SPOCK1: variants seen among roughly 807,000 people sequenced by gnomAD.
SPOCK1 encodes the protein SPARC (osteonectin), cwcv and kazal like domains proteoglycan 1, also known as testican-1.
Under a neutral mutation model 55.3 loss-of-function variants are expected in SPOCK1, and 23 were observed. The ratio of observed to expected loss-of-function variants is 0.42; its 90% CI spans 0.30 to 0.59. SPOCK1 has a LOEUF of 0.59. SPOCK1 is among the 20% of genes least tolerant of loss of function. SPOCK1 has a pLI of 0.22. For missense variants in SPOCK1, 499 were observed against 552.5 expected, an observed-to-expected ratio of 0.90 and a Z score of 0.97; for synonymous variants, 226 against 221.0, an observed-to-expected ratio of 1.02 and a Z score of -0.20.
intron 2 of SPOCK1, among the ~76,000 whole-genome samples, chr5:137,428,585 A>G (rs922642530): frequency 1.3e-5 from 2 of 152,142 alleles, no homozygotes; most frequent in African/African-American, 4.8e-5. Flanking sequence ...TACTCACTGA[A>G]TGGAAATGTT....
intron 3 of SPOCK1, among the ~76,000 whole-genome samples, chr5:137,142,857 C>A (rs907417841): frequency 1.3e-5 from 2 of 152,182 alleles, no homozygotes; most frequent in South Asian, 4.1e-4. Flanking sequence ...GCACTGCCGC[C>A]CACGCCAACC....
intron 5 of SPOCK1, among the ~76,000 whole-genome samples, chr5:137,095,060 G>C (rs1277093147): frequency 1.3e-5 from 2 of 152,128 alleles, no homozygotes; most frequent in Non-Finnish European, 2.9e-5. Flanking sequence ...AGAGACAAGG[G>C]AACGGCTGGT....
intron 2 of SPOCK1, among the ~76,000 whole-genome samples, chr5:137,304,611 C>A (rs1401001326): frequency 1.3e-5 from 2 of 152,104 alleles, no homozygotes; most frequent in East Asian, 3.9e-4. Context: ...GGGAAACCAG[C>A]AGGTTTGGTA....
intron 2 of SPOCK1, among the ~76,000 whole-genome samples, chr5:137,303,935 G>C (rs1226763294): frequency 1.3e-5 from 2 of 152,188 alleles, no homozygotes; most frequent in Non-Finnish European, 2.9e-5. Context: ...AACCGGTTTG[G>C]AAAGCCATCC....
chr5:137,073,932 G>A (rs1171712923), intron 5 of SPOCK1, among the ~76,000 whole-genome samples: 2 of 152,160 alleles, frequency 1.3e-5, no homozygotes, highest in Non-Finnish European at 2.9e-5. Flanking sequence ...CCTTAACAAA[G>A]GGACCAAGGG....
In SPOCK1 at chr5:137,043,625, G is replaced by A. The variant is rs541141320; in HGVS notation, c.589+24090C>T. Among the ~76,000 whole-genome samples the A allele has an allele frequency of 9.2e-5, 14 of 152,306 alleles. No individual in the cohort carries two copies. In the East Asian group the frequency reaches 2.7e-3, roughly 29 times the overall value. On this transcript the variant is annotated intron_variant, in intron 6 of 10. Transcript: ENST00000394945. The stretch of plus-strand genomic sequence containing the variant: ...ATAGGATGACAATGACACTTGTGCT[G>A]ATTCCTCTGTGGATCTTGGGGGTTC...
chr5:137,067,545 T>C lies in SPOCK1; in HGVS notation c.589+170A>G, dbSNP rs151279929. On this transcript the variant is annotated intron_variant, in intron 6 of 10. Transcript: ENST00000394945. Reference sequence around the variant, plus strand: ...CAAAGGCTCTTGTTCATCTTTTTAATGGTAGTTGAAGGCAATTCGGTTTAG... The same window carrying C: ...CAAAGGCTCTTGTTCATCTTTTTAACGGTAGTTGAAGGCAATTCGGTTTAG... 1.4e-3 allele frequency among the ~76,000 whole-genome samples: 207 copies of C among 152,330 alleles called. 1 individual carries two copies. The highest frequency in any genetic ancestry group is 2.5e-3 in the Non-Finnish European group (169 of 68,024).
At chr5:137,179,544 C>T (rs1754926175) in intron 3 of SPOCK1, among the ~76,000 whole-genome samples, 1 of 152,130 alleles carries the variant, frequency 6.6e-6, no homozygotes, top group Admixed American at 6.6e-5. Flanking sequence ...TCCCATCACC[C>T]ACTTACGACA....
At chr5:137,387,769 G>A (rs1751625926) in intron 2 of SPOCK1, among the ~76,000 whole-genome samples, 1 of 152,136 alleles carries the variant, frequency 6.6e-6, no homozygotes, top group Admixed American at 6.5e-5. Flanking sequence ...CAGGGATGTT[G>A]ATAATAGCTC....
chr5:137,121,444 G>A (rs1193001988), intron 4 of SPOCK1, among the ~76,000 whole-genome samples: 7 of 151,800 alleles, frequency 4.6e-5, no homozygotes, highest in Admixed American at 4.6e-4. Context: ...TGGGAAAACA[G>A]TAAGAAGAAA....
At chr5:137,064,111 T>C (rs1469740971) in intron 6 of SPOCK1, among the ~76,000 whole-genome samples, 1 of 151,982 alleles carries the variant, frequency 6.6e-6, no homozygotes, top group Non-Finnish European at 1.5e-5. Flanking sequence ...GCAGTGAGAA[T>C]GAACACCACT....
intron 3 of SPOCK1, among the ~76,000 whole-genome samples, chr5:137,218,686 C>G (rs1448602795): frequency 6.6e-6 from 1 of 152,136 alleles, no homozygotes; most frequent in Non-Finnish European, 1.5e-5. Flanking sequence ...GGTCTCATTC[C>G]TGAGACACAG....
intron 9 of SPOCK1, among the ~76,000 whole-genome samples, chr5:136,980,471 G>A (rs751966042): frequency 1.3e-5 from 2 of 152,192 alleles, no homozygotes; most frequent in Non-Finnish European, 2.9e-5. Context: ...ACGTGTTGTG[G>A]GAGGGACCCT....
At chr5:137,015,457 T>C (rs1030027697) in intron 6 of SPOCK1, among the ~76,000 whole-genome samples, 4 of 151,852 alleles carry the variant, frequency 2.6e-5, no homozygotes, top group Non-Finnish European at 4.4e-5. Context: ...CTCAGAGAGA[T>C]AGATAGCAAA....
chr5:137,311,937 T>C (rs1330353171), intron 2 of SPOCK1, among the ~76,000 whole-genome samples: 1 of 152,262 alleles, frequency 6.6e-6, no homozygotes, highest in East Asian at 1.9e-4. Flanking sequence ...AGTGTATGCC[T>C]GTGCCCTAAT....
chr5:137,391,335 T>C (rs1751718215), intron 2 of SPOCK1, among the ~76,000 whole-genome samples: 2 of 152,112 alleles, frequency 1.3e-5, no homozygotes, highest in African/African-American at 2.4e-5. Context: ...AGTTTTGCTA[T>C]TGTGAATAGT....
intron 3 of SPOCK1, among the ~76,000 whole-genome samples, chr5:137,256,605 A>T (rs548593659): frequency 4.6e-5 from 7 of 152,216 alleles, no homozygotes; most frequent in African/African-American, 1.4e-4. Context: ...ACCTCTCAAC[A>T]TTATTGCATT....
rs1236832140 is a variant in SPOCK1 at position 137,050,698 on chromosome 5, A to T, written c.589+17017T>A. Among the ~76,000 whole-genome samples the T allele has an allele frequency of 2.0e-5, 3 of 152,238 alleles. No individual in the cohort carries two copies. The East Asian group carries it at 5.8e-4, about 29-fold the overall frequency. ...TAAAATTTACTTTAGAGAGGAAGAT[A>T]AAAATGCCCATTATCTGCAGATGAT... On this transcript the variant is annotated intron_variant, in intron 6 of 10. Coordinates refer to ENST00000394945, the MANE Select transcript of SPOCK1 (RefSeq NM_004598.4).
chr5:137,025,127 C>G (rs1392579381), intron 6 of SPOCK1, among the ~76,000 whole-genome samples: 2 of 152,112 alleles, frequency 1.3e-5, no homozygotes, highest in African/African-American at 4.8e-5. Context: ...CATTACTAAT[C>G]AAAGGGCATG....
Sources: allele counts gnomAD v4.1 joint callset (sites outside exome capture counted in the v4.1 genomes callset), GRCh38; gene constraint gnomAD v4.1.1; transcripts MANE v1.5; gene names NCBI Gene and HGNC (gene_info 2026-07-23, HGNC 2026-07-21).